ASS1: variants seen among roughly 807,000 people sequenced by gnomAD.
The protein encoded by ASS1 is argininosuccinate synthase.
A neutral mutation model predicts 60.5 loss-of-function variants in ASS1; 58 were observed. The observed-to-expected ratio is 0.96, with a 90% CI of 0.78 to 1.19. ASS1 has a LOEUF of 1.19. Ranked by LOEUF, ASS1 falls within the 50% of genes most tolerant of loss-of-function variation. The pLI, the probability that ASS1 is intolerant of heterozygous loss-of-function variation, is 0.00. For missense variants in ASS1, 454 were observed against 547.3 expected, an observed-to-expected ratio of 0.83 and a Z score of 1.70; for synonymous variants, 200 against 206.9, an observed-to-expected ratio of 0.97 and a Z score of 0.29.
At chr9:130,461,602 G>A (rs1438732491) in intron 4 of ASS1, among the ~76,000 whole-genome samples, 1 of 152,226 alleles carries the variant, frequency 6.6e-6, no homozygotes, top group Admixed American at 6.5e-5. Context: ...CTTTCCTGGG[G>A]TTGACAGGCA....
chr9:130,499,649 G>C lies in ASS1; in HGVS notation c.1193+79G>C, dbSNP rs550508867. 29 of 1,455,310 alleles carry C rather than the reference G, an allele frequency of 2.0e-5. 1 individual carries two copies. The highest frequency in any genetic ancestry group is 2.3e-5 in the East Asian group (1 of 42,992). 90.1% of individuals were successfully genotyped at this position (1,455,310 alleles called of 1,614,324 possible). A position where few individuals can be genotyped will look rare whatever the true frequency, so the allele number is the denominator to read the frequency against. On this transcript the variant is annotated intron_variant, in intron 14 of 14. Coordinates refer to ENST00000352480, the MANE Select transcript of ASS1 (RefSeq NM_054012.4). ...GGCTTTGAGAGCCCCCAGGTGTAAA[G>C]GGTAGGCTTTGATGCGACCTTGACT...
At position 130,457,887 on chromosome 9, in the gene ASS1, G is replaced by A. The variant is rs144561857; in HGVS notation, c.175-514G>A. Among the ~76,000 whole-genome samples, 1,210 of 152,248 alleles carry A rather than the reference G, an allele frequency of 7.9e-3. 14 individuals are homozygous for A. The highest frequency in any genetic ancestry group is 0.027 in the African/African-American group (1,123 of 41,536). On this transcript the variant is annotated intron_variant, in intron 3 of 14. Transcript: ENST00000352480. ...CAGGATTGATTAGCAGGCTGGCCGC[G>A]GTGGCTTGTGCCTGTAATCCCAGCA...
rs775455807 is a variant in ASS1 at position 130,458,532 on chromosome 9, A to G, written c.306A>G (p.Gln102=). ...SLARPCIARK[Q]VEIAQREGAK... is the part of the protein sequence containing the mutation. ...CCAGGCCCTGCATCGCCCGCAAACA[A>G]GTGGAAATCGCCCAGCGGGAGGGGG... The change falls in exon 4 of 15, where the codon CAA becomes CAG. Residue 102 remains glutamine, a synonymous_variant. Coordinates refer to ENST00000352480, the MANE Select transcript of ASS1 (RefSeq NM_054012.4). The G allele has an allele frequency of 6.2e-7, 1 of 1,613,352 alleles. No homozygotes were observed. The highest frequency in any genetic ancestry group is 8.5e-7 in the Non-Finnish European group (1 of 1,179,882).
intron 8 of ASS1, among the ~76,000 whole-genome samples, chr9:130,475,949 G>C (rs956000010): frequency 6.6e-6 from 1 of 152,064 alleles, no homozygotes; most frequent in Non-Finnish European, 1.5e-5. Context: ...AGTAGAGATG[G>C]GGTTTCACCG....
At chr9:130,466,219 C>T (rs1383860386) in intron 5 of ASS1, among the ~76,000 whole-genome samples, 1 of 152,200 alleles carries the variant, frequency 6.6e-6, no homozygotes, top group Non-Finnish European at 1.5e-5. Flanking sequence ...GGGGAATGAG[C>T]TTGGTCCCTC....
chr9:130,465,049 TATATATA>T lies in ASS1; in HGVS notation c.420+883_420+889del, dbSNP rs1294558890. On this transcript the variant is annotated intron_variant, in intron 5 of 14. Transcript: ENST00000352480. Reference sequence around the variant, plus strand: ...TACATATGTTTTATATATATATATATATATATATTTTTTTTTTTTCTTTTTCTGGAGA... The same window carrying T: ...TACATATGTTTTATATATATATATATTTTTTTTTTTTTCTTTTTCTGGAGA... Among the ~76,000 whole-genome samples, 524 of 105,820 alleles carry T rather than the reference TATATATA, an allele frequency of 5.0e-3. 2 individuals are homozygous for T. The highest frequency in any genetic ancestry group is 0.019 in the African/African-American group (488 of 26,014). 69.4% of individuals were successfully genotyped at this position (105,820 alleles called of 152,430 possible). A position where few individuals can be genotyped will look rare whatever the true frequency, so the allele number is the denominator to read the frequency against.
intron 8 of ASS1, among the ~76,000 whole-genome samples, chr9:130,474,784 G>C (rs749141345): frequency 6.6e-6 from 1 of 152,238 alleles, no homozygotes; most frequent in African/African-American, 2.4e-5. Context: ...ACCAGCATAA[G>C]GTGGCGGAAA....
Position 130,476,803 on chromosome 9 carries a change from G to T in ASS1, c.598-68G>T. On this transcript the variant is annotated intron_variant, in intron 8 of 14. Coordinates refer to ENST00000352480, the MANE Select transcript of ASS1 (RefSeq NM_054012.4). This position sits in a 1 kb window ranked among gnomAD's most constrained non-coding sequence, Gnocchi z 4.9. ...AGAGGAGAGGGGTGCAGATCCCCGCGGGAGGTGGGCTGTAGGGTGTCCAGG... is the reference window on the plus strand; with the variant it reads ...AGAGGAGAGGGGTGCAGATCCCCGCTGGAGGTGGGCTGTAGGGTGTCCAGG... 1.4e-6 allele frequency: 2 copies of T among 1,426,052 alleles called. No individual in the cohort carries two copies. The highest frequency in any genetic ancestry group is 1.1e-5 in the South Asian group (1 of 87,158). The allele number at this position is 1,426,052 out of a possible 1,614,324, so 88.3% of individuals were successfully genotyped here.
At chr9:130,499,596 C>G (rs1284028801) in intron 14 of ASS1, 26 bp downstream of exon 14, 3 of 1,602,798 alleles carry the variant, frequency 1.9e-6, no homozygotes, top group Non-Finnish European at 2.6e-6. Context: ...CCCTGACGGG[C>G]CTTCAGAGCC....
intron 11 of ASS1, among the ~76,000 whole-genome samples, chr9:130,486,868 C>G (rs1285681307): frequency 1.3e-5 from 2 of 152,256 alleles, no homozygotes; most frequent in Non-Finnish European, 2.9e-5. Flanking sequence ...TGGTGAGAAC[C>G]AAGCTTTTCC....
rs755458468 is a variant in ASS1, at chr9:130,491,863, G to A, written c.970+2399G>A. ...TTTGCCCTGGTCCGCTGACATGCAGGGCCCCACAAACATCAAGATCGGCCT... is the reference window on the plus strand; with the variant it reads ...TTTGCCCTGGTCCGCTGACATGCAGAGCCCCACAAACATCAAGATCGGCCT... On this transcript the variant is annotated intron_variant, in intron 12 of 14. Coordinates refer to ENST00000352480, the MANE Select transcript of ASS1 (RefSeq NM_054012.4). The surrounding 1 kb of genome is among the most constrained non-coding windows in gnomAD (Gnocchi z 5.3). Among the ~76,000 whole-genome samples the A allele has an allele frequency of 9.9e-5, 15 of 152,160 alleles. No individual in the cohort carries two copies. The highest frequency in any genetic ancestry group is 2.1e-4 in the Non-Finnish European group (14 of 68,022).
At chr9:130,447,256 T>C (rs2131862300) in intron 1 of ASS1, among the ~76,000 whole-genome samples, 1 of 152,304 alleles carries the variant, frequency 6.6e-6, no homozygotes, top group South Asian at 2.1e-4. Flanking sequence ...TGGCCTGCAG[T>C]CAGGCTGGGT....
intron 12 of ASS1, among the ~76,000 whole-genome samples, chr9:130,490,642 G>GA (rs1399689994): frequency 1.3e-5 from 2 of 151,990 alleles, no homozygotes; most frequent in African/African-American, 4.8e-5. Flanking sequence ...TGGTTGGGAG[G>GA]AAAAAAAATT....
At chr9:130,498,661 C>G (rs1198829443) in intron 13 of ASS1, among the ~76,000 whole-genome samples, 1 of 152,214 alleles carries the variant, frequency 6.6e-6, no homozygotes, top group East Asian at 1.9e-4. Context: ...AAATGTGACA[C>G]TGAGAGCTAA....
chr9:130,500,106 A>G (rs1846713907), intron 14 of ASS1, among the ~76,000 whole-genome samples: 1 of 152,116 alleles, frequency 6.6e-6, no homozygotes, highest in South Asian at 2.1e-4. Flanking sequence ...TGAAGGTTCA[A>G]TATGAGCCTG....
chr9:130,470,984 G>A lies in ASS1; in HGVS notation c.566+80G>A. On this transcript the variant is annotated intron_variant, in intron 7 of 14. Transcript: ENST00000352480. The surrounding 1 kb of genome is among the most constrained non-coding windows in gnomAD (Gnocchi z 4.3). ...GCCACGCGCTGCCCCAGGACGTCCT[G>A]GTGACCCCCACACCAGTGGTCCCTG... 1 of 1,515,840 alleles carries A rather than the reference G, an allele frequency of 6.6e-7. No homozygotes were observed. The highest frequency in any genetic ancestry group is 1.7e-5 in the Admixed American group (1 of 59,878). 93.9% of individuals were successfully genotyped at this position (1,515,840 alleles called of 1,614,324 possible).
chr9:130,464,061 C>T (rs1383773954), intron 4 of ASS1, 50 bp from the exon 5 acceptor site: 1 of 1,607,068 alleles, frequency 6.2e-7, no homozygotes, highest in African/African-American at 1.3e-5. Flanking sequence ...CCCCCAGACT[C>T]CAGAACCCCC....
intron 5 of ASS1, 199 bp from the exon 6 acceptor site, chr9:130,466,526 C>T (rs1265936724): frequency 9.5e-6 from 6 of 634,378 alleles, no homozygotes; most frequent in Non-Finnish European, 1.7e-5. Context: ...CAGGCTCCGT[C>T]CAGCCAGCCC....
intron 3 of ASS1, among the ~76,000 whole-genome samples, chr9:130,457,066 A>G (rs1409013921): frequency 6.6e-6 from 1 of 152,192 alleles, no homozygotes; most frequent in Non-Finnish European, 1.5e-5. Flanking sequence ...AAAAATAACT[A>G]TTTTCTCAAA....
Sources: allele counts gnomAD v4.1 joint callset (sites outside exome capture counted in the v4.1 genomes callset), GRCh38; gene constraint gnomAD v4.1.1; non-coding constraint Gnocchi (gnomAD v3.1); transcripts MANE v1.5; gene names NCBI Gene and HGNC (gene_info 2026-07-23, HGNC 2026-07-21).